Variants in STAT5B observed in about 807,000 individuals in gnomAD.
The protein encoded by STAT5B is transcription factor STAT5B.
In STAT5B, 21 loss-of-function variants were observed where a neutral mutation model predicts 107.8. The ratio of observed to expected loss-of-function variants is 0.19; its 90% CI spans 0.14 to 0.28. STAT5B has a LOEUF of 0.28. Ranked by LOEUF, STAT5B falls within the 10% of genes least tolerant of loss-of-function variation. The pLI, the probability that STAT5B is intolerant of heterozygous loss-of-function variation, is 1.00. For synonymous variants in STAT5B, 325 were observed against 401.7 expected (o/e 0.81, Z 2.28); for missense variants, 565 against 1,008.2 (o/e 0.56, Z 5.95).
intron 1 of STAT5B, chr17:42,235,315 G>A (rs901884903): frequency 3.3e-5 from 5 of 152,100 alleles, no homozygotes; most frequent in African/African-American, 9.7e-5. Context: ...CCTGGGTCTA[G>A]AACGGTACCT....
chr17:42,238,859 T>C (rs1007482378), intron 1 of STAT5B, among the ~76,000 whole-genome samples: 1 of 151,540 alleles, frequency 6.6e-6, no homozygotes, highest in Non-Finnish European at 1.5e-5. Flanking sequence ...TCTCTCATCT[T>C]TGAATGAAAG....
intron 1 of STAT5B, among the ~76,000 whole-genome samples, chr17:42,241,521 C>A (rs1033324786): frequency 4.6e-5 from 7 of 151,450 alleles, no homozygotes; most frequent in African/African-American, 1.7e-4. Context: ...TGGCTCACTG[C>A]AACCTCTGCC....
intron 16 of STAT5B, among the ~76,000 whole-genome samples, chr17:42,203,133 G>A (rs1196974500): frequency 1.3e-5 from 2 of 151,998 alleles, no homozygotes; most frequent in East Asian, 3.9e-4. Flanking sequence ...TAGAGATGGG[G>A]TTTCACCATG....
At chr17:42,281,682 C>T (rs1232850705), upstream of STAT5B, among the ~76,000 whole-genome samples, 1 of 152,188 alleles carries the variant, frequency 6.6e-6, no homozygotes, top group Non-Finnish European at 1.5e-5. Context: ...GAGTCTCACA[C>T]ACCTGCTCTC....
chr17:42,229,068 A>T (rs981635403), intron 2 of STAT5B, among the ~76,000 whole-genome samples: 10 of 152,338 alleles, frequency 6.6e-5, no homozygotes, highest in African/African-American at 2.4e-4. Flanking sequence ...ATTAAATAGA[A>T]TACGTATTAA....
chr17:42,268,430 A>G (rs1181657693), intron 1 of STAT5B, among the ~76,000 whole-genome samples: 1 of 152,210 alleles, frequency 6.6e-6, no homozygotes, highest in Non-Finnish European at 1.5e-5. Flanking sequence ...CTATGATGGT[A>G]CCACAATGAC....
intron 3 of STAT5B, among the ~76,000 whole-genome samples, chr17:42,226,180 C>T (rs1432992976): frequency 2.6e-5 from 4 of 152,104 alleles, no homozygotes; most frequent in African/African-American, 9.7e-5. Flanking sequence ...GATGATTCAC[C>T]CGCCTCAGCC....
chr17:42,224,809 A>G lies in STAT5B; in HGVS notation c.345T>C (p.Asn115=), dbSNP rs576854811. 4.3e-6 allele frequency: 7 copies of G among 1,613,674 alleles called. No individual in the cohort carries two copies. The highest frequency in any genetic ancestry group is 1.7e-5 in the Admixed American group (1 of 59,986). ...TGGCTTCTCGGACCAACCTCTGTTC[A>G]TTGTACAATATATGGCGGATGCAGC... ...LVRCIRHILY[N]EQRLVREANN... is the part of the protein sequence containing the mutation. Residue 115 remains asparagine (N), a synonymous_variant, in exon 4 of 19, where the codon AAT becomes AAC. Coordinates refer to ENST00000293328, the MANE Select transcript of STAT5B (RefSeq NM_012448.4).
upstream of STAT5B, among the ~76,000 whole-genome samples, chr17:42,281,534 A>C (rs187213572): frequency 8.4e-4 from 128 of 152,264 alleles, 1 homozygote; most frequent in East Asian, 0.021. Flanking sequence ...ATAAAAAAGC[A>C]TTTTCTCTCT....
chr17:42,217,969 G>A (rs2080187503), intron 9 of STAT5B, 182 bp downstream of exon 9: 4 of 1,055,760 alleles, frequency 3.8e-6, no homozygotes, highest in Admixed American at 2.2e-5. Context: ...GCCTCTTAAA[G>A]TGCTTGGATT....
intron 1 of STAT5B, among the ~76,000 whole-genome samples, chr17:42,239,399 A>G (rs1048802388): frequency 6.6e-5 from 10 of 152,190 alleles, no homozygotes; most frequent in Admixed American, 6.5e-4. Flanking sequence ...AGTACAAAAA[A>G]CAACTAATGA....
chr17:42,275,427 C>T (rs1035492248), intron 1 of STAT5B: 3 of 152,172 alleles, frequency 2.0e-5, no homozygotes, highest in African/African-American at 7.2e-5. Context: ...TTGGCTTTTC[C>T]ATCACTGCTG....
intron 1 of STAT5B, among the ~76,000 whole-genome samples, chr17:42,275,934 C>G (rs988866909): frequency 2.0e-5 from 3 of 151,990 alleles, no homozygotes; most frequent in African/African-American, 7.2e-5. Context: ...CCTATGGGGT[C>G]GGCGCGGGGT....
intron 10 of STAT5B, 36 bp downstream of exon 10, chr17:42,217,341 G>C (rs1286284113): frequency 3.1e-6 from 5 of 1,614,202 alleles, no homozygotes; most frequent in East Asian, 4.5e-5. Context: ...TCAAAGACCA[G>C]GGAAAAATTC....
intron 11 of STAT5B, 124 bp from the exon 12 acceptor site, chr17:42,216,230 A>G: frequency 2.4e-6 from 2 of 816,620 alleles, no homozygotes; most frequent in Non-Finnish European, 3.9e-6. Context: ...TTCCTCTCAG[A>G]CACAGAATCT....
chr17:42,206,226 A>T (rs1327027230), intron 16 of STAT5B, among the ~76,000 whole-genome samples: 1 of 151,932 alleles, frequency 6.6e-6, no homozygotes, highest in African/African-American at 2.4e-5. Flanking sequence ...AGTAGCTGGA[A>T]TTACAGGCGC....
At chr17:42,244,413 G>A (rs993350821) in intron 1 of STAT5B, among the ~76,000 whole-genome samples, 1 of 151,722 alleles carries the variant, frequency 6.6e-6, no homozygotes, top group African/African-American at 2.4e-5. Flanking sequence ...TCTAGTGAAG[G>A]TTTATATTTG....
At chr17:42,220,236 T>C (rs1434900781) in intron 5 of STAT5B, among the ~76,000 whole-genome samples, 1 of 152,214 alleles carries the variant, frequency 6.6e-6, no homozygotes, top group Non-Finnish European at 1.5e-5. Context: ...ATCGCTTTCC[T>C]TTCCTGTGCC....
Position 42,210,151 on chromosome 17 carries a change from A to G in STAT5B, c.1906+20T>C. 1 of 1,614,192 alleles carries G rather than the reference A, an allele frequency of 6.2e-7. No homozygotes were observed. The highest frequency in any genetic ancestry group is 1.1e-5 in the South Asian group (1 of 91,084). On this transcript the variant is annotated intron_variant, in intron 15 of 18. Coordinates refer to ENST00000293328, the MANE Select transcript of STAT5B (RefSeq NM_012448.4). The stretch of plus-strand genomic sequence containing the variant: ...AACGAAAGCAGCTAACTTTGGACAT[A>G]AGAAGGGAGGGGCACTCACGAGAAT...
Sources: allele counts gnomAD v4.1 joint callset (sites outside exome capture counted in the v4.1 genomes callset), GRCh38; gene constraint gnomAD v4.1.1; transcripts MANE v1.5; gene names NCBI Gene and HGNC (gene_info 2026-07-23, HGNC 2026-07-21).